Variants in ARID4B observed in about 807,000 individuals in gnomAD.
ARID4B encodes AT-rich interaction domain 4B, also known as AT-rich interactive domain-containing protein 4B.
A neutral mutation model predicts 147.5 loss-of-function variants in ARID4B; 26 were observed. The ratio of observed to expected loss-of-function variants is 0.18; its 90% CI spans 0.13 to 0.24. The LOEUF is 0.24. Among genes scored for constraint, ARID4B ranks in the 10% least tolerant of loss-of-function variants. The pLI, the probability that ARID4B is intolerant of heterozygous loss-of-function variation, is 1.00. For missense variants in ARID4B, 1,179 were observed against 1,511.5 expected (o/e 0.78, Z 3.65); for synonymous variants, 512 against 507.9 (o/e 1.01, Z -0.11).
intron 2 of ARID4B, among the ~76,000 whole-genome samples, chr1:235,320,184 A>G (rs1572237210): frequency 6.6e-6 from 1 of 152,020 alleles, no homozygotes; most frequent in South Asian, 2.1e-4. Context: ...AGGTGCCTGT[A>G]ATCCCAGCTA....
At chr1:235,244,633 G>C (rs1016845777) in intron 7 of ARID4B, among the ~76,000 whole-genome samples, 2 of 152,080 alleles carry the variant, frequency 1.3e-5, no homozygotes, top group Admixed American at 1.3e-4. Flanking sequence ...TAACTGATAC[G>C]TGGAATAACA....
chr1:235,291,924 G>A (rs928879403), intron 2 of ARID4B, among the ~76,000 whole-genome samples: 2 of 152,110 alleles, frequency 1.3e-5, no homozygotes, highest in African/African-American at 2.4e-5. Flanking sequence ...GCCTTTCTAC[G>A]TGTGGAAACA....
chr1:235,301,038 CTTTTTTTTTTTTTT>C (rs780839339), intron 2 of ARID4B, among the ~76,000 whole-genome samples: 2 of 112,284 alleles, frequency 1.8e-5, no homozygotes, highest in East Asian at 3.0e-4. Context: ...TTTAAGTATT[CTTTTTTTTTTTTTT>C]TTTTTTTTTT....
intron 2 of ARID4B, among the ~76,000 whole-genome samples, chr1:235,313,412 G>A (rs1468576837): frequency 1.3e-5 from 2 of 151,842 alleles, no homozygotes; most frequent in African/African-American, 2.4e-5. Flanking sequence ...TGGCTCCTCC[G>A]TGTTCAGGCT....
At position 235,175,236 on chromosome 1, in the gene ARID4B, G is replaced by C. The variant is rs537264192; in HGVS notation, c.3612C>G (p.Leu1204=). The change falls in exon 22 of 24, where the codon CTC becomes CTG. Residue 1204 remains leucine (L), a synonymous_variant. Transcript: ENST00000264183. The part of the protein sequence containing the change: ...CGKNGDKDPD[L]KEPSNRLPKV... Reference sequence around the variant, plus strand: ...TGGGTAATCGATTACTGGGTTCCTTGAGATCAGGATCCTTATCACCATTCT... The same window carrying C: ...TGGGTAATCGATTACTGGGTTCCTTCAGATCAGGATCCTTATCACCATTCT... The C allele has an allele frequency of 1.9e-6, 3 of 1,614,150 alleles. No homozygotes were observed. Among genetic ancestry groups the C allele is most frequent in the East Asian group, 4.5e-5 (2 of 44,866 alleles).
intron 2 of ARID4B, among the ~76,000 whole-genome samples, chr1:235,267,186 G>C (rs1294845942): frequency 6.6e-6 from 1 of 152,210 alleles, no homozygotes; most frequent in African/African-American, 2.4e-5. Context: ...GCTGAGGCGG[G>C]AGGATCGCTA....
At chr1:235,265,848 A>G (rs1044542507) in intron 2 of ARID4B, among the ~76,000 whole-genome samples, 3 of 152,190 alleles carry the variant, frequency 2.0e-5, no homozygotes, top group African/African-American at 7.2e-5. Context: ...GATGAGGAGT[A>G]AGACGGTGCA....
intron 2 of ARID4B, among the ~76,000 whole-genome samples, chr1:235,282,054 T>C (rs1244068988): frequency 2.6e-5 from 4 of 152,202 alleles, no homozygotes; most frequent in African/African-American, 9.6e-5. Context: ...TGCTATGAAA[T>C]AAAAACAGTG....
At chr1:235,285,319 A>G (rs945670075) in intron 2 of ARID4B, among the ~76,000 whole-genome samples, 1 of 152,234 alleles carries the variant, frequency 6.6e-6, no homozygotes, top group Admixed American at 6.5e-5. Flanking sequence ...TAAAATTCAG[A>G]AGTCAATGAG....
At chr1:235,297,262 A>G (rs767859238) in intron 2 of ARID4B, among the ~76,000 whole-genome samples, 20 of 152,172 alleles carry the variant, frequency 1.3e-4, no homozygotes, top group Non-Finnish European at 2.5e-4. Context: ...AACACATCAC[A>G]TACATAAAAA....
At chr1:235,191,230 G>A (rs545661571) in intron 19 of ARID4B, among the ~76,000 whole-genome samples, 43 of 148,682 alleles carry the variant, frequency 2.9e-4, no homozygotes, top group Middle Eastern at 6.9e-3. Flanking sequence ...CATCCACTGC[G>A]AATGTGTCAC....
At chr1:235,176,437 CAAAAA>C (rs34808765) in intron 21 of ARID4B, among the ~76,000 whole-genome samples, 143 of 22,476 alleles carry the variant, frequency 6.4e-3, no homozygotes, top group African/African-American at 0.013. Context: ...ACAACATCAC[CAAAAA>C]AAAAAAAAAA....
intron 17 of ARID4B, among the ~76,000 whole-genome samples, chr1:235,210,561 A>C (rs1666649584): frequency 6.6e-6 from 1 of 152,238 alleles, no homozygotes; most frequent in Admixed American, 6.5e-5. Context: ...TTATTGCAGA[A>C]AGAAATAAAA....
chr1:235,187,141 G>A (rs1664750204), intron 19 of ARID4B: 1 of 335,648 alleles, frequency 3.0e-6, no homozygotes, highest in Non-Finnish European at 5.7e-6. Flanking sequence ...GAGCGCAATG[G>A]CGTGATCTCA....
chr1:235,308,083 ATTTT>A (rs368457519), intron 2 of ARID4B, among the ~76,000 whole-genome samples: 23 of 102,752 alleles, frequency 2.2e-4, no homozygotes, highest in African/African-American at 4.4e-4. Context: ...ATTTCTTCTA[ATTTT>A]TTTTTTTTTT....
At chr1:235,219,381 C>T (rs1171695135) in intron 16 of ARID4B, among the ~76,000 whole-genome samples, 2 of 152,208 alleles carry the variant, frequency 1.3e-5, no homozygotes, top group Admixed American at 6.5e-5. Context: ...ATAGAACATA[C>T]AATTTTTGGC....
In ARID4B at chr1:235,262,140, G is replaced by A. The variant is rs984628277; in HGVS notation, c.7-1388C>T. On this transcript the variant is annotated intron_variant, in intron 2 of 23. Transcript: ENST00000264183. ...AATATAAAGTGAGAAATGCTGTTAC[G>A]AGTAATAAATAATGAAAGAATAATT... Among the ~76,000 whole-genome samples the A allele has an allele frequency of 6.0e-5, 9 of 149,790 alleles. No homozygotes were observed. The East Asian group carries it at 1.5e-3, about 26-fold the overall frequency.
intron 23 of ARID4B, 40 bp downstream of exon 23, chr1:235,172,578 A>AAAAT (rs781282374): frequency 8.0e-6 from 11 of 1,372,596 alleles, no homozygotes; most frequent in African/African-American, 1.5e-5. Flanking sequence ...ACTCTGTCTC[A>AAAAT]AAATAAATAA....
chr1:235,309,572 G>A (rs1417141243), intron 2 of ARID4B, among the ~76,000 whole-genome samples: 369 of 52,296 alleles, frequency 7.1e-3, no homozygotes, highest in South Asian at 0.022. Flanking sequence ...CCCCCGCCCG[G>A]TCAGCCGCCC....
Sources: allele counts gnomAD v4.1 joint callset (sites outside exome capture counted in the v4.1 genomes callset), GRCh38; gene constraint gnomAD v4.1.1; transcripts MANE v1.5; gene names NCBI Gene and HGNC (gene_info 2026-07-23, HGNC 2026-07-21).